RAD51B: variants seen among roughly 807,000 people sequenced by gnomAD.
RAD51B encodes the protein DNA repair protein RAD51 homolog 2.
In RAD51B, 38 loss-of-function variants were observed where a neutral mutation model predicts 42.2. The observed-to-expected ratio is 0.90, with a 90% CI of 0.70 to 1.18. RAD51B has a LOEUF of 1.18. Ranked by LOEUF, RAD51B falls within the 50% of genes most tolerant of loss-of-function variation. RAD51B has a pLI of 0.00. For synonymous variants in RAD51B, 154 were observed against 145.2 expected, an observed-to-expected ratio of 1.06 and a Z score of -0.43; for missense variants, 373 against 400.7, an observed-to-expected ratio of 0.93 and a Z score of 0.59.
At chr14:67,881,212 T>C (rs948492871) in intron 5 of RAD51B, among the ~76,000 whole-genome samples, 2 of 152,222 alleles carry the variant, frequency 1.3e-5, no homozygotes, top group African/African-American at 2.4e-5. Context: ...AATGTCGTTA[T>C]GCAGCACATG....
chr14:68,424,921 C>T (rs932214498), intron 9 of RAD51B, among the ~76,000 whole-genome samples: 6 of 152,186 alleles, frequency 3.9e-5, no homozygotes, highest in Non-Finnish European at 8.8e-5. Flanking sequence ...ACTACAGGCA[C>T]ATACCACCAC....
At chr14:68,279,421 T>C (rs115298657) in intron 7 of RAD51B, among the ~76,000 whole-genome samples, 1,524 of 152,280 alleles carry the variant, frequency 0.01, 19 homozygotes, top group African/African-American at 0.033. Flanking sequence ...TGTTTCCAGC[T>C]TCTGTGTCCC....
chr14:67,835,257 A>G, intron 4 of RAD51B, 61 bp downstream of exon 4: 1 of 1,190,574 alleles, frequency 8.4e-7, no homozygotes, highest in Non-Finnish European at 1.2e-6. Context: ...GCTAGGGAAA[A>G]AGTTTAGTTA....
chr14:68,187,739 A>G (rs2079185685), intron 7 of RAD51B, among the ~76,000 whole-genome samples: 1 of 152,142 alleles, frequency 6.6e-6, no homozygotes, highest in Non-Finnish European at 1.5e-5. Flanking sequence ...TTCACAAAGA[A>G]TGTGTTTATA....
intron 9 of RAD51B, among the ~76,000 whole-genome samples, chr14:68,435,492 GTTTT>G (rs35536205): frequency 7.8e-6 from 1 of 128,146 alleles, no homozygotes; most frequent in Non-Finnish European, 1.7e-5. Context: ...GTGGTTTTTG[GTTTT>G]TTTTTTTTTT....
At chr14:68,396,646 G>T (rs2061687267) in intron 8 of RAD51B, among the ~76,000 whole-genome samples, 1 of 152,182 alleles carries the variant, frequency 6.6e-6, no homozygotes, top group South Asian at 2.1e-4. Context: ...AGAAAACCTG[G>T]AGATTTATTT....
At chr14:68,304,903 T>G (rs1257258666) in intron 8 of RAD51B, among the ~76,000 whole-genome samples, 1 of 152,202 alleles carries the variant, frequency 6.6e-6, no homozygotes, top group South Asian at 2.1e-4. Flanking sequence ...CTATGAGCAT[T>G]TTGTCACATT....
intron 10 of RAD51B, among the ~76,000 whole-genome samples, chr14:68,476,661 A>C (rs369115895): frequency 1.3e-5 from 2 of 152,302 alleles, no homozygotes; most frequent in South Asian, 2.1e-4. Context: ...TTCATAGCTC[A>C]CACAGAGTCA....
chr14:68,150,150 G>T (rs1052957704), intron 7 of RAD51B, among the ~76,000 whole-genome samples: 1 of 152,144 alleles, frequency 6.6e-6, no homozygotes, highest in African/African-American at 2.4e-5. Context: ...TCACCATGTT[G>T]GTCAGGCTAG....
chr14:68,084,180 ATC>A (rs1474175006), intron 7 of RAD51B, among the ~76,000 whole-genome samples: 2 of 152,216 alleles, frequency 1.3e-5, no homozygotes, highest in Non-Finnish European at 2.9e-5. Flanking sequence ...TTTAAACTTT[ATC>A]TCTGTTTTTT....
At chr14:68,313,471 G>A (rs115479981) in intron 8 of RAD51B, among the ~76,000 whole-genome samples, 3 of 152,262 alleles carry the variant, frequency 2.0e-5, no homozygotes, top group African/African-American at 7.2e-5. Context: ...CTGGGAAGCC[G>A]CCCAACTCCC....
Position 67,885,896 on chromosome 14 carries a change from T to TC in RAD51B, c.483dup (p.Arg162GlnfsTer4). ...TGGTTGAAATAGCAGAATCCCGTTT[T>TC]CCCAGATATTTTAACACTGAAGAAA... On this transcript the variant is annotated frameshift_variant, in exon 6 of 11. Transcript: ENST00000471583. LOFTEE classifies it high-confidence loss of function. The TC allele has an allele frequency of 3.7e-6, 6 of 1,610,182 alleles. No individual in the cohort carries two copies. Among genetic ancestry groups the TC allele is most frequent in the Non-Finnish European group, 5.1e-6 (6 of 1,177,216 alleles).
chr14:68,116,788 A>G (rs984544870), intron 7 of RAD51B, among the ~76,000 whole-genome samples: 1 of 152,148 alleles, frequency 6.6e-6, no homozygotes, highest in Non-Finnish European at 1.5e-5. Flanking sequence ...GACTTTGCTT[A>G]TTTAAAGAAA....
intron 8 of RAD51B, among the ~76,000 whole-genome samples, chr14:68,356,775 A>T (rs2082914091): frequency 6.6e-6 from 1 of 151,850 alleles, no homozygotes; most frequent in Non-Finnish European, 1.5e-5. Flanking sequence ...AGGTCAGGAG[A>T]TCGAGACCAT....
At chr14:68,003,417 G>C (rs2140314871) in intron 7 of RAD51B, among the ~76,000 whole-genome samples, 1 of 152,286 alleles carries the variant, frequency 6.6e-6, no homozygotes, top group African/African-American at 2.4e-5. Flanking sequence ...AGAAGCTTTT[G>C]GGTTGAGAGG....
intron 11 of RAD51B, among the ~76,000 whole-genome samples, chr14:68,677,658 C>G (rs1395004655): frequency 6.6e-5 from 10 of 152,158 alleles, no homozygotes; most frequent in Non-Finnish European, 1.2e-4. Flanking sequence ...TATATACTGT[C>G]TTACGTGTTG....
intron 10 of RAD51B, among the ~76,000 whole-genome samples, chr14:68,619,100 C>T (rs1028229329): frequency 7.2e-5 from 11 of 152,218 alleles, no homozygotes; most frequent in African/African-American, 2.7e-4. Context: ...GGACTCTTTT[C>T]CCTCCTGACA....
intron 8 of RAD51B, among the ~76,000 whole-genome samples, chr14:68,322,017 A>C (rs370928700): frequency 9.6e-4 from 146 of 152,188 alleles, no homozygotes; most frequent in African/African-American, 3.4e-3. Context: ...CAGGGGATCT[A>C]CCTGCCTCAG....
chr14:68,588,440 T>A (rs1330777280), intron 10 of RAD51B, among the ~76,000 whole-genome samples: 1 of 152,232 alleles, frequency 6.6e-6, no homozygotes, highest in Non-Finnish European at 1.5e-5. Context: ...CCCCTGACCA[T>A]GAATTTCAGA....
Sources: allele counts gnomAD v4.1 joint callset (sites outside exome capture counted in the v4.1 genomes callset), GRCh38; gene constraint gnomAD v4.1.1; transcripts MANE v1.5; gene names NCBI Gene and HGNC (gene_info 2026-07-23, HGNC 2026-07-21).